The following ADAMTSL1 variants were observed in gnomAD, a reference collection of about 807,000 sequenced individuals.
ADAMTSL1 encodes ADAMTS-like protein 1.
A neutral mutation model predicts 201.8 loss-of-function variants in ADAMTSL1; 126 were observed. The ratio of observed to expected loss-of-function variants is 0.62; its 90% CI spans 0.54 to 0.72. The LOEUF (loss-of-function observed/expected upper bound fraction) is 0.72. ADAMTSL1 is among the 30% of genes least tolerant of loss of function. The pLI is 0.00. For missense variants in ADAMTSL1, 2,679 were observed against 2,277.8 expected, an observed-to-expected ratio of 1.18 and a Z score of -3.59; for synonymous variants, 1,121 against 903.4, an observed-to-expected ratio of 1.24 and a Z score of -4.32.
chr9:18,810,751 T>G (rs1823449374), intron 20 of ADAMTSL1, among the ~76,000 whole-genome samples: 1 of 152,100 alleles, frequency 6.6e-6, no homozygotes, highest in South Asian at 2.1e-4. Context: ...AAAGGCCTAT[T>G]AAAACACAAT....
At position 18,582,481 on chromosome 9, in the gene ADAMTSL1, A is replaced by C. The variant is rs544898605; in HGVS notation, c.474+8215A>C. Among the ~76,000 whole-genome samples, 5 of 152,160 alleles carry C rather than the reference A, an allele frequency of 3.3e-5. No individual in the cohort carries two copies. The East Asian group carries it at 7.7e-4, about 24-fold the overall frequency. ...GAGGAACCCGGTGGGAGGCGATTGA[A>C]TTATGAGAGCAGATCTTTCCTGGTC... is the stretch of plus-strand genomic sequence containing the variant. On this transcript the variant is annotated intron_variant, in intron 4 of 28. Transcript: ENST00000380548.
chr9:18,676,049 T>A, intron 10 of ADAMTSL1, 142 bp downstream of exon 10: 1 of 809,184 alleles, frequency 1.2e-6, no homozygotes, highest in Non-Finnish European at 2.0e-6. Flanking sequence ...CAATCCATCC[T>A]GAGTTCTGCT....
chr9:18,134,182 A>G (rs1472964879), intron 1 of ADAMTSL1, among the ~76,000 whole-genome samples: 3 of 152,170 alleles, frequency 2.0e-5, no homozygotes, highest in African/African-American at 7.2e-5. Flanking sequence ...GTATGCACTC[A>G]TAGTGAAAAG....
intron 1 of ADAMTSL1, among the ~76,000 whole-genome samples, chr9:18,055,705 A>C (rs1315837813): frequency 6.6e-6 from 1 of 152,210 alleles, no homozygotes; most frequent in Non-Finnish European, 1.5e-5. Flanking sequence ...GCATAAAATC[A>C]CTGGATCTGC....
chr9:18,296,397 T>A (rs745308727), intron 2 of ADAMTSL1, among the ~76,000 whole-genome samples: 5 of 152,162 alleles, frequency 3.3e-5, no homozygotes, highest in African/African-American at 4.8e-5. Flanking sequence ...ATTATTTTTA[T>A]CTTAGATTTG....
chr9:18,372,902 T>C (rs1332076366), intron 2 of ADAMTSL1, among the ~76,000 whole-genome samples: 3 of 152,166 alleles, frequency 2.0e-5, no homozygotes, highest in Non-Finnish European at 4.4e-5. Flanking sequence ...TATGGAATCA[T>C]CTCACTTCCT....
chr9:18,720,132 G>T (rs1363572851), intron 14 of ADAMTSL1, among the ~76,000 whole-genome samples: 1 of 152,088 alleles, frequency 6.6e-6, no homozygotes, highest in East Asian at 1.9e-4. Flanking sequence ...AATGATTCCA[G>T]ACAAATGTCT....
intron 2 of ADAMTSL1, among the ~76,000 whole-genome samples, chr9:18,525,208 G>A (rs1818959888): frequency 6.6e-6 from 1 of 152,164 alleles, no homozygotes; most frequent in South Asian, 2.1e-4. Context: ...ACTTCTTCTA[G>A]ATTTTCTACT....
rs77851628 is a variant in ADAMTSL1, at chr9:18,045,158, G to A, written c.88-118704G>A. Among the ~76,000 whole-genome samples the A allele has an allele frequency of 8.1e-3, 1,240 of 152,164 alleles. 15 individuals are homozygous for A. Among genetic ancestry groups the A allele is most frequent in the African/African-American group, 0.028 (1,182 of 41,514 alleles). On this transcript the variant is annotated intron_variant, in intron 1 of 29. Transcript: ENST00000680146. ...GAGGTTCTATTAGAAGGACACTAAC[G>A]TATATGAGTCTTTATTTGCTTTGAA...
intron 1 of ADAMTSL1, among the ~76,000 whole-genome samples, chr9:17,996,165 AT>A (rs35149438): frequency 0.39 from 57,151 of 148,140 alleles, 11,246 homozygotes; most frequent in African/African-American, 0.5. Context: ...AGTGTTTTTA[AT>A]TTTTTTTTTT....
chr9:18,151,467 C>T (rs541931514), intron 1 of ADAMTSL1, among the ~76,000 whole-genome samples: 4 of 152,042 alleles, frequency 2.6e-5, no homozygotes, highest in Admixed American at 2.6e-4. Context: ...TCATTACCTA[C>T]TAAGTAGCCA....
intron 1 of ADAMTSL1, among the ~76,000 whole-genome samples, chr9:18,080,956 T>G (rs73645712): frequency 0.018 from 2,705 of 152,352 alleles, 69 homozygotes; most frequent in African/African-American, 0.061. Context: ...TTTTATGCAT[T>G]TGTGAGTCAA....
rs545154389 is a variant in ADAMTSL1, at chr9:18,350,686, G to T, written c.208-154143G>T. 2.0e-5 allele frequency among the ~76,000 whole-genome samples: 3 copies of T among 152,192 alleles called. No individual in the cohort carries two copies. The South Asian group carries it at 6.2e-4, about 32-fold the overall frequency. ...TCACACTGGAAATCATCACAAAATGGCAAATTCTGGAATTTCCACTTTTCC... is the reference window on the plus strand; with the variant it reads ...TCACACTGGAAATCATCACAAAATGTCAAATTCTGGAATTTCCACTTTTCC... On this transcript the variant is annotated intron_variant, in intron 2 of 29. Coordinates refer to the ADAMTSL1 transcript ENST00000680146.
intron 2 of ADAMTSL1, among the ~76,000 whole-genome samples, chr9:18,287,600 T>C (rs1018438256): frequency 1.6e-4 from 22 of 134,214 alleles, no homozygotes; most frequent in African/African-American, 5.8e-4. Flanking sequence ...TATACACACA[T>C]ATATGCATAT....
chr9:18,747,371 T>C (rs938876170), intron 15 of ADAMTSL1, among the ~76,000 whole-genome samples: 6 of 152,022 alleles, frequency 3.9e-5, no homozygotes, highest in Non-Finnish European at 8.8e-5. Context: ...GAGACCTCAG[T>C]GAATGAGGCT....
chr9:17,937,117 G>A (rs1438763714), intron 1 of ADAMTSL1, among the ~76,000 whole-genome samples: 1 of 152,132 alleles, frequency 6.6e-6, no homozygotes. Flanking sequence ...GCTGCAGAGA[G>A]CCTCAGACTA....
chr9:18,808,940 T>C (rs1379541930), intron 20 of ADAMTSL1, among the ~76,000 whole-genome samples: 2 of 152,020 alleles, frequency 1.3e-5, no homozygotes, highest in African/African-American at 4.8e-5. Flanking sequence ...CCTCTCAGGG[T>C]TGTTATCCAA....
At chr9:18,862,410 A>G (rs925808515) in intron 23 of ADAMTSL1, among the ~76,000 whole-genome samples, 65 of 152,030 alleles carry the variant, frequency 4.3e-4, no homozygotes, top group African/African-American at 1.5e-3. Context: ...GAGTGAGGGG[A>G]TGAGAACAGC....
intron 2 of ADAMTSL1, among the ~76,000 whole-genome samples, chr9:18,364,746 T>C (rs1836692963): frequency 6.6e-6 from 1 of 152,124 alleles, no homozygotes. Context: ...TACTAGCTTC[T>C]GCGTCTTGGG....
Sources: gnomAD v4.1 joint callset for allele counts (sites outside exome capture counted in the v4.1 genomes callset) on GRCh38, gnomAD v4.1.1 for gene constraint, MANE v1.5 for transcripts, NCBI Gene and HGNC (gene_info 2026-07-23, HGNC 2026-07-21) for gene names.